NEMP2: variants seen among roughly 807,000 people sequenced by gnomAD.
NEMP2 encodes UPF0571 transmembrane protein.
In NEMP2, 53 loss-of-function variants were observed where a neutral mutation model predicts 54.2. That is an observed-to-expected ratio of 0.98 (90% CI 0.78 to 1.23). The LOEUF is 1.23. Ranked by LOEUF, NEMP2 falls within the 50% of genes most tolerant of loss-of-function variation. The pLI is 0.00. For missense variants in NEMP2, 455 were observed against 511.3 expected, an observed-to-expected ratio of 0.89 and a Z score of 1.06; for synonymous variants, 197 against 190.3, an observed-to-expected ratio of 1.04 and a Z score of -0.29.
At chr2:190,646,328 G>C in the NEMP2 span, among the ~76,000 whole-genome samples, 1 of 152,170 alleles carries the variant, frequency 6.6e-6, no homozygotes, top group Admixed American at 6.5e-5. Flanking sequence ...AAATCCTCAG[G>C]GCGTGGGAGT....
chr2:190,561,948 C>T, the NEMP2 span, among the ~76,000 whole-genome samples: 7 of 152,036 alleles, frequency 4.6e-5, no homozygotes, highest in Admixed American at 3.9e-4. The surrounding 1 kb of genome is among the most constrained non-coding windows in gnomAD (Gnocchi z 5.4). Flanking sequence ...TTTTATTTTA[C>T]TATGTAGTTA....
chr2:190,578,769 G>A, the NEMP2 span, among the ~76,000 whole-genome samples: 2 of 151,584 alleles, frequency 1.3e-5, no homozygotes, highest in Admixed American at 6.6e-5. This position sits in a 1 kb window ranked among gnomAD's most constrained non-coding sequence, Gnocchi z 4.4. Context: ...TGGAGTGCAG[G>A]GGTGGAGGGA....
the NEMP2 span, among the ~76,000 whole-genome samples, chr2:190,460,528 C>T: frequency 3.9e-5 from 6 of 152,264 alleles, no homozygotes; most frequent in South Asian, 6.2e-4. Flanking sequence ...CTCTTCCGTT[C>T]CGGACTATTT....
chr2:190,432,268 C>T, the NEMP2 span, among the ~76,000 whole-genome samples: 3 of 152,214 alleles, frequency 2.0e-5, no homozygotes, highest in African/African-American at 4.8e-5. Flanking sequence ...TTGCCAGCCT[C>T]TGGGAACCTC....
chr2:190,634,063 T>C, the NEMP2 span, among the ~76,000 whole-genome samples: 1 of 152,140 alleles, frequency 6.6e-6, no homozygotes, highest in Non-Finnish European at 1.5e-5. This position sits in a 1 kb window ranked among gnomAD's most constrained non-coding sequence, Gnocchi z 6.8. Context: ...CAAAGCAAGA[T>C]TCTGTGTCTT....
At chr2:190,566,639 G>T in the NEMP2 span, among the ~76,000 whole-genome samples, 28 of 149,574 alleles carry the variant, frequency 1.9e-4, no homozygotes, top group Non-Finnish European at 4.0e-4. Context: ...GGGAAGGGAA[G>T]GGAGGGGAGG....
chr2:190,492,285 A>C, the NEMP2 span, among the ~76,000 whole-genome samples: 1 of 152,236 alleles, frequency 6.6e-6, no homozygotes, highest in Non-Finnish European at 1.5e-5. This position sits in a 1 kb window ranked among gnomAD's most constrained non-coding sequence, Gnocchi z 5.2. Context: ...CAAATACAAG[A>C]ATCCCAAAGA....
At chr2:190,489,759 T>C in the NEMP2 span, 2 of 1,613,258 alleles carry the variant, frequency 1.2e-6, no homozygotes, top group South Asian at 2.2e-5. The surrounding 1 kb of genome is among the most constrained non-coding windows in gnomAD (Gnocchi z 6.6). Context: ...GTGCTGTTTG[T>C]TTTTATAGGG....
At chr2:190,606,782 A>G in the NEMP2 span, among the ~76,000 whole-genome samples, 2 of 152,244 alleles carry the variant, frequency 1.3e-5, no homozygotes. Flanking sequence ...CAGGCATATA[A>G]TAATAGCTCA....
At chr2:190,643,417 T>C in the NEMP2 span, among the ~76,000 whole-genome samples, 1 of 152,228 alleles carries the variant, frequency 6.6e-6, no homozygotes. Flanking sequence ...CTGACTTGGC[T>C]GCTTAGAGCT....
rs942244791 is a variant in NEMP2 at position 190,527,846 on chromosome 2, T to A, written c.98-2468A>T. ...GAGCAACCTAGGGATCTAGGTTGCA[T>A]GCTTGTTATGATAATCTAACTAATG... On this transcript the variant is annotated intron_variant, in intron 1 of 8. Coordinates refer to ENST00000409150, the MANE Select transcript of NEMP2 (RefSeq NM_001142645.2). The surrounding 1 kb of genome is among the most constrained non-coding windows in gnomAD (Gnocchi z 4.0). Among the ~76,000 whole-genome samples, 2 of 152,132 alleles carry A rather than the reference T, an allele frequency of 1.3e-5. No individual in the cohort carries two copies. The highest frequency in any genetic ancestry group is 2.9e-5 in the Non-Finnish European group (2 of 68,026).
In NEMP2 at chr2:190,512,831, C is replaced by T. The variant is rs962356258; in HGVS notation, c.953+1622G>A. Among the ~76,000 whole-genome samples the T allele has an allele frequency of 2.6e-5, 4 of 152,204 alleles. No homozygotes were observed. On this transcript the variant is annotated intron_variant, in intron 7 of 8. Coordinates refer to ENST00000409150, the MANE Select transcript of NEMP2 (RefSeq NM_001142645.2). The surrounding 1 kb of genome is among the most constrained non-coding windows in gnomAD (Gnocchi z 4.5). ...GCATCAACCCTCCAACCCTGCCCTG[C>T]TGCCTTTCAGCCCCGCCAGCATCTT...
chr2:190,575,301 G>T, the NEMP2 span, among the ~76,000 whole-genome samples: 4 of 151,118 alleles, frequency 2.6e-5, no homozygotes, highest in Non-Finnish European at 5.9e-5. Context: ...AAATTCTAAA[G>T]TATCTGATAT....
At chr2:190,578,233 T>A in the NEMP2 span, among the ~76,000 whole-genome samples, 2 of 152,074 alleles carry the variant, frequency 1.3e-5, no homozygotes, top group African/African-American at 4.8e-5. This position sits in a 1 kb window ranked among gnomAD's most constrained non-coding sequence, Gnocchi z 4.4. Context: ...AAAGAAGAAA[T>A]GATGGTGACT....
At chr2:190,627,987 C>G in the NEMP2 span, 2 of 152,502 alleles carry the variant, frequency 1.3e-5, no homozygotes, top group Non-Finnish European at 2.9e-5. The surrounding 1 kb of genome is among the most constrained non-coding windows in gnomAD (Gnocchi z 4.4). Context: ...GCGCCTACCG[C>G]GTCCCTCCTC....
At chr2:190,487,130 C>G in the NEMP2 span, among the ~76,000 whole-genome samples, 1 of 151,608 alleles carries the variant, frequency 6.6e-6, no homozygotes, top group Non-Finnish European at 1.5e-5. This position sits in a 1 kb window ranked among gnomAD's most constrained non-coding sequence, Gnocchi z 5.5. Flanking sequence ...ATCACGAGGT[C>G]AAGAGATCAA....
At chr2:190,469,175 G>A in the NEMP2 span, among the ~76,000 whole-genome samples, 1 of 152,158 alleles carries the variant, frequency 6.6e-6, no homozygotes, top group African/African-American at 2.4e-5. This position sits in a 1 kb window ranked among gnomAD's most constrained non-coding sequence, Gnocchi z 5.3. Flanking sequence ...TGTATCCATT[G>A]AACTGATAGG....
the NEMP2 span, chr2:190,617,221 T>C: frequency 1.3e-5 from 2 of 152,178 alleles, no homozygotes; most frequent in Non-Finnish European, 2.9e-5. The surrounding 1 kb of genome is among the most constrained non-coding windows in gnomAD (Gnocchi z 5.0). Context: ...TCCTACCCCA[T>C]AGATAACTTA....
the NEMP2 span, among the ~76,000 whole-genome samples, chr2:190,583,753 T>G: frequency 3.9e-5 from 6 of 152,238 alleles, no homozygotes; most frequent in African/African-American, 1.2e-4. Flanking sequence ...GATGTTGGAC[T>G]GTTGTGTTTT....
Sources: allele counts gnomAD v4.1 joint callset (sites outside exome capture counted in the v4.1 genomes callset), GRCh38; gene constraint gnomAD v4.1.1; non-coding constraint Gnocchi (gnomAD v3.1); transcripts MANE v1.5; gene names NCBI Gene and HGNC (gene_info 2026-07-23, HGNC 2026-07-21).